SPATS1: variants seen among roughly 807,000 people sequenced by gnomAD.
SPATS1 encodes the protein spermatogenesis-associated serine-rich protein 1.
A neutral mutation model predicts 33.6 loss-of-function variants in SPATS1; 23 were observed. That is an observed-to-expected ratio of 0.68 (90% confidence interval 0.49 to 0.97). The LOEUF (loss-of-function observed/expected upper bound fraction) is 0.97. Ranked by LOEUF, SPATS1 falls within the 50% of genes least tolerant of loss-of-function variation. The pLI is 0.00. For missense variants in SPATS1, 327 were observed against 361.0 expected (o/e 0.91, Z 0.76); for synonymous variants, 131 against 125.6 (o/e 1.04, Z -0.29).
At chr6:44,369,191 A>G (rs1412670641) in intron 6 of SPATS1, among the ~76,000 whole-genome samples, 1 of 152,136 alleles carries the variant, frequency 6.6e-6, no homozygotes, top group Non-Finnish European at 1.5e-5. Flanking sequence ...CATTTAAAAT[A>G]TTATTTTAAA....
intron 7 of SPATS1, among the ~76,000 whole-genome samples, chr6:44,374,259 T>A: frequency 6.6e-6 from 1 of 152,252 alleles, no homozygotes; most frequent in East Asian, 1.9e-4. Context: ...TTATATTGTT[T>A]AGCCCCTATA....
intron 6 of SPATS1, among the ~76,000 whole-genome samples, chr6:44,368,988 C>G (rs1583093153): frequency 6.6e-6 from 1 of 151,378 alleles, no homozygotes; most frequent in South Asian, 2.1e-4. Flanking sequence ...GCTCTGCCTC[C>G]TGGGTTCATG....
intron 2 of SPATS1, chr6:44,343,592 A>G: frequency 2.3e-6 from 1 of 441,064 alleles, no homozygotes; most frequent in African/African-American, 2.0e-5. Flanking sequence ...AGTCTGCCAT[A>G]CTTTCGAGCC....
chr6:44,349,288 CAAAAAAAAA>C (rs35407623), intron 2 of SPATS1, among the ~76,000 whole-genome samples: 11 of 72,636 alleles, frequency 1.5e-4, no homozygotes, highest in African/African-American at 5.8e-4. Context: ...GACTCTGGCT[CAAAAAAAAA>C]AAAAAAAAAA....
At chr6:44,365,272 C>CT (rs1410776386) in intron 5 of SPATS1, among the ~76,000 whole-genome samples, 3 of 152,232 alleles carry the variant, frequency 2.0e-5, no homozygotes, top group African/African-American at 7.2e-5. Flanking sequence ...AAAGGCCTAG[C>CT]TGTTGCCACA....
intron 2 of SPATS1, 36 bp from the exon 3 acceptor site, chr6:44,352,690 A>G (rs1788313058): frequency 1.9e-6 from 3 of 1,593,926 alleles, no homozygotes; most frequent in Non-Finnish European, 2.6e-6. Flanking sequence ...TGTATTTTCA[A>G]TAATGTAATT....
At chr6:44,364,027 T>C (rs528349129) in intron 5 of SPATS1, among the ~76,000 whole-genome samples, 2 of 152,276 alleles carry the variant, frequency 1.3e-5, no homozygotes, top group African/African-American at 4.8e-5. Context: ...AATAGCAAAA[T>C]GAAACCCGAT....
chr6:44,372,693 T>C (rs1272434559), intron 7 of SPATS1, among the ~76,000 whole-genome samples: 1 of 152,142 alleles, frequency 6.6e-6, no homozygotes, highest in African/African-American at 2.4e-5. Context: ...ATCTCTTGAC[T>C]TCGTGATCCA....
intron 3 of SPATS1, among the ~76,000 whole-genome samples, chr6:44,355,218 T>C (rs1233091255): frequency 3.4e-5 from 5 of 146,254 alleles, no homozygotes; most frequent in Non-Finnish European, 7.5e-5. Flanking sequence ...GTCTCCATAG[T>C]TTTTTCCTTT....
rs778302312 is a variant in SPATS1, at chr6:44,361,845, C to T, written c.427C>T (p.Pro143Ser). The change falls in exon 5 of 9, where the codon CCT becomes TCT. Residue 143 changes from proline to serine, a missense_variant. Pro to Ser is a moderately conservative substitution (Grantham distance 74, BLOSUM62 -1). Transcript: ENST00000674044. The stretch of plus-strand genomic sequence containing the variant: ...GTGTATTGCAGAAGATGGGCATCGT[C>T]CTGAGTGGACATTTTACCCAAGGTT... ...LKLQTKDGHRPEWTFYPRFSS... is the reference protein window; with the variant it reads ...LKLQTKDGHRSEWTFYPRFSS... The T allele has an allele frequency of 1.9e-6, 3 of 1,614,212 alleles. No individual in the cohort carries two copies. In the South Asian group the frequency reaches 3.3e-5, roughly 18 times the overall value.
chr6:44,368,594 C>A, intron 6 of SPATS1, 95 bp downstream of exon 6: 1 of 1,192,012 alleles, frequency 8.4e-7, no homozygotes, highest in Non-Finnish European at 1.1e-6. Flanking sequence ...GGATAGATGT[C>A]AACAAGATGT....
At chr6:44,343,335 A>T in intron 2 of SPATS1, 101 bp downstream of exon 2, 1 of 1,422,824 alleles carries the variant, frequency 7.0e-7, no homozygotes, top group Middle Eastern at 1.8e-4. Context: ...GAAGTTTAGA[A>T]GGAAGCTAGT....
chr6:44,378,462 T>C lies in SPATS1; in HGVS notation c.*1399T>C, dbSNP rs932892326. The C allele has an allele frequency of 6.6e-6, 1 of 152,136 alleles. No homozygotes were observed. The highest frequency in any genetic ancestry group is 2.4e-5 in the African/African-American group (1 of 41,416). The allele number at this position is 152,136 out of a possible 1,614,324, so 9.4% of individuals were successfully genotyped here. A position where few individuals can be genotyped will look rare whatever the true frequency, so the allele number is the denominator to read the frequency against. ...TGTCTCCAGTCACAGCCAAAGTGAA[T>C]GAAGCAGGTTTAGAACACGATACAT... On this transcript the variant is annotated 3_prime_UTR_variant, in exon 9 of 9. Transcript: ENST00000674044.
At position 44,361,895 on chromosome 6, in the gene SPATS1, C is replaced by G. The variant is rs776186640; in HGVS notation, c.477C>G (p.His159Gln). ...PRFSSNIHTY[H>Q]VGKQCFFNGV... is the part of the protein sequence containing the mutation. ...TTAGCAGCAACATCCACACCTACCA[C>G]GTCGGAAAGCAGTGCTTCTTTAATG... Residue 159 changes from histidine to glutamine, a missense_variant, in exon 5 of 9, where the codon CAC becomes CAG. Physicochemically the swap from His to Gln is conservative, Grantham distance 24. Coordinates refer to ENST00000674044, the MANE Select transcript of SPATS1 (RefSeq NM_001372081.1). 6.2e-6 allele frequency: 10 copies of G among 1,614,226 alleles called. 1 individual carries two copies. The South Asian group carries it at 1.1e-4, about 18-fold the overall frequency.
At chr6:44,351,243 G>A (rs1355587835) in intron 2 of SPATS1, among the ~76,000 whole-genome samples, 3 of 151,460 alleles carry the variant, frequency 2.0e-5, no homozygotes, top group Non-Finnish European at 4.4e-5. Context: ...GGTATTACAA[G>A]TAATCTAGAG....
At chr6:44,364,532 G>A (rs1267676386) in intron 5 of SPATS1, among the ~76,000 whole-genome samples, 2 of 139,266 alleles carry the variant, frequency 1.4e-5, no homozygotes, top group Non-Finnish European at 3.1e-5. Context: ...AGTGGTAGTT[G>A]GGTCTACAGG....
intron 3 of SPATS1, 46 bp downstream of exon 3, chr6:44,352,919 G>C: frequency 6.3e-7 from 1 of 1,594,874 alleles, no homozygotes; most frequent in Non-Finnish European, 8.6e-7. Flanking sequence ...GGGAGATTCT[G>C]ACCAAGAAGC....
intron 7 of SPATS1, among the ~76,000 whole-genome samples, chr6:44,372,500 G>T (rs1789687854): frequency 6.6e-6 from 1 of 151,324 alleles, no homozygotes; most frequent in African/African-American, 2.4e-5. Context: ...GTCTCACTTT[G>T]TCACCAGGCT....
At chr6:44,351,356 TG>T (rs1291677861) in intron 2 of SPATS1, among the ~76,000 whole-genome samples, 1 of 152,150 alleles carries the variant, frequency 6.6e-6, no homozygotes, top group African/African-American at 2.4e-5. Context: ...TTGTAATTTT[TG>T]TATTGCGGGG....
Sources: allele counts gnomAD v4.1 joint callset (sites outside exome capture counted in the v4.1 genomes callset), GRCh38; gene constraint gnomAD v4.1.1; transcripts MANE v1.5; gene names NCBI Gene and HGNC (gene_info 2026-07-23, HGNC 2026-07-21).